The following LIAS variants were observed in gnomAD, a reference collection of about 807,000 sequenced individuals.
The protein encoded by LIAS is lipoyl synthase, mitochondrial.
Under a neutral mutation model 49.4 loss-of-function variants are expected in LIAS, and 36 were observed. That is an observed-to-expected ratio of 0.73 (90% CI 0.56 to 0.96). LIAS has a LOEUF of 0.96. Ranked by LOEUF, LIAS falls within the 40% of genes least tolerant of loss-of-function variation. The pLI is 0.00. For missense variants in LIAS, 399 were observed against 456.3 expected (o/e 0.87, Z 1.14); for synonymous variants, 145 against 155.8 (o/e 0.93, Z 0.52).
intron 10 of LIAS, 49 bp from the exon 11 acceptor site, chr4:39,477,014 G>C: frequency 8.2e-7 from 1 of 1,217,212 alleles, no homozygotes; most frequent in South Asian, 1.4e-5. Context: ...TTGTCTCACT[G>C]TTATTTACTT....
intron 2 of LIAS, among the ~76,000 whole-genome samples, chr4:39,461,429 G>A (rs1744493316): frequency 6.6e-6 from 1 of 152,176 alleles, no homozygotes. Flanking sequence ...AAGTCATGGA[G>A]AACCAAGGAT....
At chr4:39,473,005 C>T (rs899880204) in intron 9 of LIAS, 95 bp from the exon 10 acceptor site, 34 of 690,450 alleles carry the variant, frequency 4.9e-5, no homozygotes, top group Middle Eastern at 4.0e-4. Context: ...AGATAAATTA[C>T]GCAGTGAAGA....
At position 39,477,950 on chromosome 4, in the gene LIAS, C is replaced by T. The variant is rs35283743; in HGVS notation, c.*835C>T. On this transcript the variant is annotated 3_prime_UTR_variant, in exon 11 of 11. Coordinates refer to ENST00000640888, the MANE Select transcript of LIAS (RefSeq NM_006859.4). ...TGGTGCCACTGCTCTCCAGCCTGGG[C>T]GCTACAACTGCTCTCCAGACTCTGT... 18,819 of 151,962 alleles carry T rather than the reference C, an allele frequency of 0.12. 1,274 individuals are homozygous for T. Among genetic ancestry groups the T allele is most frequent in the Non-Finnish European group, 0.15 (9,951 of 67,958 alleles). The allele number at this position is 151,962 out of a possible 1,614,324, so 9.4% of individuals were successfully genotyped here.
intron 4 of LIAS, 25 bp downstream of exon 4, chr4:39,463,630 G>GAAA: frequency 6.2e-7 from 1 of 1,601,098 alleles, no homozygotes; most frequent in Non-Finnish European, 8.5e-7. Flanking sequence ...AACCTCTATG[G>GAAA]CTTTAGTCTA....
In LIAS at chr4:39,470,035, C is replaced by A; in HGVS notation, c.754C>A (p.Arg252=). The A allele has an allele frequency of 6.2e-7, 1 of 1,608,104 alleles. No homozygotes were observed. The highest frequency in any genetic ancestry group is 8.5e-7 in the Non-Finnish European group (1 of 1,176,028). Residue 252 remains arginine, a synonymous_variant, in exon 8 of 11, where the codon CGG becomes AGG. Transcript: ENST00000640888. ...PELQSKVRDP[R]ANFDQSLRVL... ...GTTTTCCAGTAAGGTTCGTGATCCTCGGGCCAATTTTGATCAGTCCCTACG... is the reference window on the plus strand; with the variant it reads ...GTTTTCCAGTAAGGTTCGTGATCCTAGGGCCAATTTTGATCAGTCCCTACG...
At chr4:39,471,389 A>T in intron 9 of LIAS, 83 bp downstream of exon 9, 1 of 1,027,356 alleles carries the variant, frequency 9.7e-7, no homozygotes, top group Admixed American at 2.1e-5. Flanking sequence ...GCTGGAGTGT[A>T]GTGGCACAAT....
intron 4 of LIAS, 141 bp downstream of exon 4, chr4:39,463,746 A>C: frequency 7.4e-7 from 1 of 1,343,136 alleles, no homozygotes; most frequent in African/African-American, 1.5e-5. Flanking sequence ...TTAAGAAAAA[A>C]CCTGATGGAA....
rs1560671038 is a variant in LIAS at position 39,470,078 on chromosome 4, A to G, written c.797A>G (p.Lys266Arg). The G allele has an allele frequency of 6.2e-7, 1 of 1,614,124 alleles. No individual in the cohort carries two copies. The highest frequency in any genetic ancestry group is 8.5e-7 in the Non-Finnish European group (1 of 1,179,958). ...TCCCTACGTGTACTGAAACATGCCAAGAAGGTTCAGCCTGATGTTATTTCT... is the reference window on the plus strand; with the variant it reads ...TCCCTACGTGTACTGAAACATGCCAGGAAGGTTCAGCCTGATGTTATTTCT... ...DQSLRVLKHA[K>R]KVQPDVISKT... The change falls in exon 8 of 11, where the codon AAG (lysine) becomes AGG (arginine). Residue 266 changes from lysine to arginine, a missense_variant. Lys to Arg is a conservative substitution (Grantham distance 26). Coordinates refer to ENST00000640888, the MANE Select transcript of LIAS (RefSeq NM_006859.4).
At chr4:39,463,460 G>C in intron 3 of LIAS, 65 bp from the exon 4 acceptor site, 1 of 1,445,154 alleles carries the variant, frequency 6.9e-7, no homozygotes, top group Non-Finnish European at 9.2e-7. Flanking sequence ...TCTAATCACA[G>C]TCACCAACTG....
chr4:39,463,488 G>T, intron 3 of LIAS, 37 bp from the exon 4 acceptor site: 3 of 1,537,932 alleles, frequency 2.0e-6, no homozygotes, highest in Non-Finnish European at 2.6e-6. Flanking sequence ...GGTGGATATT[G>T]TCAACCTAAT....
At chr4:39,469,943 C>G in intron 7 of LIAS, 76 bp from the exon 8 acceptor site, 1 of 1,367,908 alleles carries the variant, frequency 7.3e-7, no homozygotes. Context: ...CTTCTCTGGT[C>G]TTTCAGGTTG....
At chr4:39,476,914 A>G (rs1171157768) in intron 10 of LIAS, 149 bp from the exon 11 acceptor site, 1 of 586,510 alleles carries the variant, frequency 1.7e-6, no homozygotes, top group Non-Finnish European at 3.0e-6. Context: ...TTAGAAAAAT[A>G]TTGCCATTGA....
At chr4:39,473,909 T>A (rs1203428743) in intron 10 of LIAS, 11 of 152,190 alleles carry the variant, frequency 7.2e-5, no homozygotes, top group Admixed American at 7.2e-4. Flanking sequence ...GAAGACCGAA[T>A]TTAATCTAGA....
At chr4:39,463,377 C>G in intron 3 of LIAS, 148 bp from the exon 4 acceptor site, 1 of 1,053,450 alleles carries the variant, frequency 9.5e-7, no homozygotes, top group Non-Finnish European at 1.3e-6. Flanking sequence ...AGCCAGCGCA[C>G]TTGGTCTTAA....
chr4:39,473,201 A>G lies in LIAS; in HGVS notation c.1056A>G (p.Ser352=), dbSNP rs1560672898. 1.9e-6 allele frequency: 3 copies of G among 1,604,326 alleles called. No individual in the cohort carries two copies. Among genetic ancestry groups the G allele is most frequent in the South Asian group, 2.2e-5 (2 of 90,882 alleles). Residue 352 remains serine (S), a synonymous_variant, in exon 10 of 11, where the codon TCA becomes TCG. Coordinates refer to ENST00000640888, the MANE Select transcript of LIAS (RefSeq NM_006859.4). Reference sequence around the variant, plus strand: ...CAAGTGGCCCTTTGGTGCGTTCTTCATATAAAGCAGGTAAGTTAGATTGTG... The same window carrying G: ...CAAGTGGCCCTTTGGTGCGTTCTTCGTATAAAGCAGGTAAGTTAGATTGTG... ...YTASGPLVRS[S]YKAGEFFLKN...
chr4:39,471,340 T>TTTA, intron 9 of LIAS, 34 bp downstream of exon 9: 1 of 1,534,930 alleles, frequency 6.5e-7, no homozygotes, highest in Non-Finnish European at 8.9e-7. Context: ...TTTTTTTTTT[T>TTTA]TTTATTTTTA....
At chr4:39,460,700 C>A in intron 1 of LIAS, 90 bp from the exon 2 acceptor site, 1 of 1,083,712 alleles carries the variant, frequency 9.2e-7, no homozygotes, top group Non-Finnish European at 1.3e-6. Context: ...ACTTTTTTGG[C>A]TTTACCCTTC....
In LIAS at chr4:39,460,874, G is replaced by C; in HGVS notation, c.130G>C (p.Asp44His). The C allele has an allele frequency of 1.2e-6, 2 of 1,613,518 alleles. No individual in the cohort carries two copies. Among genetic ancestry groups the C allele is most frequent in the Non-Finnish European group, 1.7e-6 (2 of 1,179,756 alleles). ...KKKELLQNGP[D>H]LQDFVSGDLA... ...AAAGGAACTCCTACAGAATGGACCA[G>C]ACCTTCAAGATTTTGTATCTGGTGA... Residue 44 changes from aspartate (D) to histidine (H), a missense_variant, in exon 2 of 11, where the codon GAC becomes CAC. Transcript: ENST00000640888.
chr4:39,461,785 C>T (rs1478289799), intron 2 of LIAS, among the ~76,000 whole-genome samples: 5 of 152,226 alleles, frequency 3.3e-5, no homozygotes, highest in African/African-American at 1.2e-4. Flanking sequence ...AGCTCCGCCT[C>T]CTGGGTTCAA....
Sources: allele counts gnomAD v4.1 joint callset (sites outside exome capture counted in the v4.1 genomes callset), GRCh38; gene constraint gnomAD v4.1.1; transcripts MANE v1.5; gene names NCBI Gene and HGNC (gene_info 2026-07-23, HGNC 2026-07-21).